Variants in SEC16A observed in about 807,000 individuals in gnomAD.
SEC16A encodes the protein SEC16 homolog A, endoplasmic reticulum export factor, also known as protein transport protein Sec16A.
Under a neutral mutation model 221.9 loss-of-function variants are expected in SEC16A, and 110 were observed. That is an observed-to-expected ratio of 0.50 (90% CI 0.42 to 0.58). The LOEUF is 0.58. SEC16A is among the 20% of genes least tolerant of loss of function. SEC16A has a pLI of 0.00. For synonymous variants in SEC16A, 1,393 were observed against 1,257.7 expected (o/e 1.11, Z -2.28); for missense variants, 3,165 against 3,097.8 (o/e 1.02, Z -0.52).
At chr9:136,451,966 G>A (rs181576355) in intron 22 of SEC16A, among the ~76,000 whole-genome samples, 47 of 152,232 alleles carry the variant, frequency 3.1e-4, no homozygotes, top group Non-Finnish European at 5.1e-4. Flanking sequence ...TCCAGAATGC[G>A]GTCTGTATAA....
rs144576556 is a variant in SEC16A, at chr9:136,476,864, G to C, written c.752C>G (p.Pro251Arg). The part of the protein sequence containing the change: ...VPCATSVPHF[P>R]TPSILHQGPG... ...GCCCTGATGTAGGATGGACGGGGTGGGGAAATGAGGAACGCTGGTGGCACA... is the reference window on the plus strand; with the variant it reads ...GCCCTGATGTAGGATGGACGGGGTGCGGAAATGAGGAACGCTGGTGGCACA... Residue 251 changes from proline to arginine, a missense_variant, in exon 3 of 32, where the codon CCC becomes CGC. By Grantham distance (103) the Pro-to-Arg change is moderately radical. Transcript: ENST00000684901. 2.3e-4 allele frequency: 363 copies of C among 1,612,296 alleles called. 1 individual carries two copies. In the East Asian group the frequency reaches 4.8e-3, roughly 21 times the overall value.
Position 136,463,106 on chromosome 9 carries a change from C to T in SEC16A, c.4674G>A (p.Glu1558=). The T allele has an allele frequency of 6.2e-7, 1 of 1,611,424 alleles. No homozygotes were observed. The highest frequency in any genetic ancestry group is 1.1e-5 in the South Asian group (1 of 91,088). Residue 1558 remains glutamate, a synonymous_variant, in exon 12 of 32, where the codon GAG becomes GAA. Transcript: ENST00000684901. ...CTGTTCTGTGGTCTCGTAACAGAAG[C>T]TCCGCAATGTCGGTCCCTACCACGG... The part of the protein sequence containing the change: ...NGTVVGTDIA[E]LLLRDHRTVW...
Position 136,453,493 on chromosome 9 carries a change from C to T in SEC16A, c.6094G>A (p.Ala2032Thr), listed in dbSNP as rs1838159224. ...TCGGAAAGTGAGTTTCCAACAGGCG[C>T]CTCCTGCGGCACTATCCCTGTCAAC... ...SPDPGIVPQE[A>T]PVGNSLSELS... is the part of the protein sequence containing the mutation. The change falls in exon 22 of 32, where the codon GCG becomes ACG. Residue 2032 changes from alanine to threonine, a missense_variant. Around this residue, in one of 3 missense-constraint regions of SEC16A, gnomAD observed 1,088 missense variants for 1,089.6 expected, o/e 1.00. Coordinates refer to ENST00000684901, the MANE Select transcript of SEC16A (RefSeq NM_014866.2). The T allele has an allele frequency of 1.2e-6, 2 of 1,613,344 alleles. No individual in the cohort carries two copies. Among genetic ancestry groups the T allele is most frequent in the African/African-American group, 1.3e-5 (1 of 74,940 alleles).
rs990987595 is a variant in SEC16A at position 136,455,702 on chromosome 9, C to A, written c.5756G>T (p.Gly1919Val). 5.7e-6 allele frequency: 9 copies of A among 1,592,762 alleles called. No homozygotes were observed. The African/African-American group carries it at 1.2e-4, about 21-fold the overall frequency. Residue 1919 changes from glycine (G) to valine (V), a missense_variant, in exon 20 of 32, where the codon GGA (glycine) becomes GTA (valine). Gly to Val is a moderately radical substitution (Grantham distance 109). Coordinates refer to ENST00000684901, the MANE Select transcript of SEC16A (RefSeq NM_014866.2). ...SSEMEQLDRP[G>V]LSQPGALGIA... ...CCCCAGGGCTCCTGGCTGACTGAGT[C>A]CTGGCCTGTCCAACTGCTCCATCTC...
intron 17 of SEC16A, among the ~76,000 whole-genome samples, chr9:136,458,432 T>C (rs985131528): frequency 7.0e-6 from 1 of 143,800 alleles, no homozygotes; most frequent in Non-Finnish European, 1.5e-5. Flanking sequence ...ATCAAGACCA[T>C]CCTGGCTAAC....
chr9:136,446,667 A>G (rs1365855554), intron 28 of SEC16A, among the ~76,000 whole-genome samples, 188 bp downstream of exon 28: 2 of 152,148 alleles, frequency 1.3e-5, no homozygotes, highest in African/African-American at 4.8e-5. Context: ...CTTCCCAAAC[A>G]GCTCTGTCCC....
Position 136,455,691 on chromosome 9 carries a change from GCTGA to G in SEC16A, c.5763_5766del (p.Pro1923GlufsTer64), listed in dbSNP as rs1247729575. The G allele has an allele frequency of 1.9e-6, 3 of 1,593,612 alleles. No homozygotes were observed. Among genetic ancestry groups the G allele is most frequent in the African/African-American group, 1.3e-5 (1 of 74,528 alleles). ...GGGTTGGCGATCCCCAGGGCTCCTG[GCTGA>G]CTGAGTCCTGGCCTGTCCAACTGCT... On this transcript the variant is annotated frameshift_variant, in exon 20 of 32. Transcript: ENST00000684901. LOFTEE classifies it high-confidence loss of function.
At chr9:136,458,501 G>A (rs1292838338) in intron 17 of SEC16A, among the ~76,000 whole-genome samples, 1 of 152,000 alleles carries the variant, frequency 6.6e-6, no homozygotes, top group Non-Finnish European at 1.5e-5. Flanking sequence ...GGTCGTGGGT[G>A]CCTGTAGTCC....
In SEC16A at chr9:136,477,205, C is replaced by T; in HGVS notation, c.411G>A (p.Glu137=). ...GACCGACCTCTGCACTCCTGTTCAT[C>T]TCAGGCCCAGGAGGTGCTGAAGGTG... ...ALTPSAPPGP[E]MNRSAEVGPS... The change falls in exon 3 of 32, where the codon GAG becomes GAA. Residue 137 remains glutamate, a synonymous_variant. Transcript: ENST00000684901. 1 of 1,613,898 alleles carries T rather than the reference C, an allele frequency of 6.2e-7. No homozygotes were observed.
At position 136,459,624 on chromosome 9, in the gene SEC16A, C is replaced by G. The variant is rs1256790668; in HGVS notation, c.5192-69G>C. 7.2e-7 allele frequency: 1 copy of G among 1,387,702 alleles called. No individual in the cohort carries two copies. Among genetic ancestry groups the G allele is most frequent in the Admixed American group, 2.0e-5 (1 of 49,074 alleles). The allele number at this position is 1,387,702 out of a possible 1,614,324, so 86.0% of individuals were successfully genotyped here. A position where few individuals can be genotyped will look rare whatever the true frequency, so the allele number is the denominator to read the frequency against. On this transcript the variant is annotated intron_variant, in intron 15 of 31. Transcript: ENST00000684901. The surrounding 1 kb of genome is among the most constrained non-coding windows in gnomAD (Gnocchi z 6.1). ...GGAGCGCTTGCAGAAGTCAAGGACG[C>G]GCACAGAAGGCACCAGAGACGCCAG...
In SEC16A at chr9:136,480,456, G is replaced by A. The variant is rs538765523; in HGVS notation, c.-191-1626C>T. ...CTGAGTGTCCAGGTGAGTGGCTCGAGGCAGCCACTCCTCTTTCTGCAATGT... is the reference window on the plus strand; with the variant it reads ...CTGAGTGTCCAGGTGAGTGGCTCGAAGCAGCCACTCCTCTTTCTGCAATGT... On this transcript the variant is annotated intron_variant, in intron 1 of 31. Transcript: ENST00000684901. Among the ~76,000 whole-genome samples the A allele has an allele frequency of 2.9e-4, 44 of 152,312 alleles. 1 individual carries two copies. The highest frequency in any genetic ancestry group is 1.0e-3 in the African/African-American group (42 of 41,554).
At chr9:136,482,692 G>A (rs932184732) in intron 1 of SEC16A, among the ~76,000 whole-genome samples, 3 of 152,156 alleles carry the variant, frequency 2.0e-5, no homozygotes, top group Admixed American at 1.3e-4. Context: ...CAGCCCAGCC[G>A]GGTCCACGTC....
chr9:136,477,154 A>G lies in SEC16A; in HGVS notation c.462T>C (p.Thr154=), dbSNP rs772628963. The change falls in exon 3 of 32, where the codon ACT becomes ACC. Residue 154 remains threonine, a synonymous_variant. Coordinates refer to ENST00000684901, the MANE Select transcript of SEC16A (RefSeq NM_014866.2). Reference sequence around the variant, plus strand: ...GAATGTAGTGAGGAAGATATGGCAGAGTCTGAACTTCAGGCTCTGAACTGG... The same window carrying G: ...GAATGTAGTGAGGAAGATATGGCAGGGTCTGAACTTCAGGCTCTGAACTGG... The part of the protein sequence containing the change: ...VGPSSEPEVQ[T]LPYLPHYIPG... 1 of 1,613,838 alleles carries G rather than the reference A, an allele frequency of 6.2e-7. No homozygotes were observed. Among genetic ancestry groups the G allele is most frequent in the Non-Finnish European group, 8.5e-7 (1 of 1,179,896 alleles).
chr9:136,451,209 C>T (rs755362763), intron 23 of SEC16A, 47 bp downstream of exon 23: 2 of 1,581,676 alleles, frequency 1.3e-6, no homozygotes, highest in South Asian at 1.1e-5. Flanking sequence ...GTGCCTCCTG[C>T]CCAAACCCTC....
intron 12 of SEC16A, among the ~76,000 whole-genome samples, chr9:136,462,010 A>G (rs1839547392): frequency 6.6e-6 from 1 of 151,956 alleles, no homozygotes; most frequent in Admixed American, 6.5e-5. Context: ...CAGGAGGCTG[A>G]GATGGGAGGA....
At chr9:136,483,602 T>G, upstream of SEC16A, 6 of 985,336 alleles carry the variant, frequency 6.1e-6, no homozygotes, top group Non-Finnish European at 6.0e-6. Flanking sequence ...TCTCCCAGTC[T>G]TTTTTCGTTT....
Position 136,457,471 on chromosome 9 carries a change from G to A in SEC16A, c.5523C>T (p.Ser1841=), listed in dbSNP as rs747698788. The change falls in exon 18 of 32, where the codon TCC becomes TCT. Residue 1841 remains serine, a synonymous_variant. Coordinates refer to ENST00000684901, the MANE Select transcript of SEC16A (RefSeq NM_014866.2). ...GCACAAGCTGGCTGATCAACACCGG[G>A]GAATACAGGTGCGGCTGCGTCAGGA... is the stretch of plus-strand genomic sequence containing the variant. ...KSILTQPHLY[S]PVLISQLVQM... 1 of 1,607,458 alleles carries A rather than the reference G, an allele frequency of 6.2e-7. No individual in the cohort carries two copies. The highest frequency in any genetic ancestry group is 1.1e-5 in the South Asian group (1 of 89,632).
At chr9:136,478,089 G>A (rs1351177716) in intron 2 of SEC16A, among the ~76,000 whole-genome samples, 2 of 152,212 alleles carry the variant, frequency 1.3e-5, no homozygotes, top group Non-Finnish European at 2.9e-5. Flanking sequence ...CTAGATCCAG[G>A]AAGAGCCAAC....
At chr9:136,446,775 G>A (rs1238041578) in intron 28 of SEC16A, 80 bp downstream of exon 28, 16 of 1,423,356 alleles carry the variant, frequency 1.1e-5, no homozygotes, top group Middle Eastern at 2.2e-4. Context: ...CTGACTTGCA[G>A]AAGGCAAGGC....
Sources: gnomAD v4.1 joint callset for allele counts (sites outside exome capture counted in the v4.1 genomes callset) on GRCh38, gnomAD v4.1.1 for gene constraint, gnomAD v4.1.1 regional missense constraint, Gnocchi (gnomAD v3.1) non-coding constraint, MANE v1.5 for transcripts, NCBI Gene and HGNC (gene_info 2026-07-23, HGNC 2026-07-21) for gene names.